The following GALC variants were observed in gnomAD, a reference collection of about 807,000 sequenced individuals.
The protein encoded by GALC is galactocerebrosidase.
GALC carries 77 observed loss-of-function variants against 91.8 expected under a neutral mutation model. The ratio of observed to expected loss-of-function variants is 0.84; its 90% CI spans 0.70 to 1.01. The LOEUF is 1.01. Ranked by LOEUF, GALC falls within the 50% of genes least tolerant of loss-of-function variation. The probability of loss-of-function intolerance (pLI) is 0.00; values close to 1 mark genes in which losing one functional copy is unlikely to be tolerated. For synonymous variants in GALC, 357 were observed against 306.7 expected, an observed-to-expected ratio of 1.16 and a Z score of -1.71; for missense variants, 882 against 855.9, an observed-to-expected ratio of 1.03 and a Z score of -0.38.
intron 1 of GALC, chr14:87,992,418 G>C: frequency 6.5e-7 from 1 of 1,534,954 alleles, no homozygotes; most frequent in African/African-American, 1.4e-5. Context: ...GCCTCCAAAC[G>C]AAATCCTATT....
Position 87,934,566 on chromosome 14 carries a change from T to C in GALC, c.*166A>G. 1 of 1,477,174 alleles carries C rather than the reference T, an allele frequency of 6.8e-7. No homozygotes were observed. Among genetic ancestry groups the C allele is most frequent in the South Asian group, 1.4e-5 (1 of 73,312 alleles). The allele number at this position is 1,477,174 out of a possible 1,614,324, so 91.5% of individuals were successfully genotyped here. A position where few individuals can be genotyped will look rare whatever the true frequency, so the allele number is the denominator to read the frequency against. The stretch of plus-strand genomic sequence containing the variant: ...CCCCTTGGAATTAATTCTAATAAAA[T>C]CTTCCACAGGGTAAATTAAAAATAA... On this transcript the variant is annotated 3_prime_UTR_variant, in exon 17 of 17. Transcript: ENST00000261304.
rs1407252447 is a variant in GALC, at chr14:87,934,205, TA to T, written c.*526del. The T allele has an allele frequency of 7.6e-5, 106 of 1,394,982 alleles. 2 individuals are homozygous for T. The East Asian group carries it at 2.7e-3, about 36-fold the overall frequency. 86.4% of individuals were successfully genotyped at this position (1,394,982 alleles called of 1,614,324 possible). A position where few individuals can be genotyped will look rare whatever the true frequency, so the allele number is the denominator to read the frequency against. On this transcript the variant is annotated 3_prime_UTR_variant, in exon 17 of 17. Transcript: ENST00000261304. ...AAAAGTATCATCTTAAAAAGGAAAA[TA>T]AAAAAATACTTTTTAGAGCATAAAG...
Position 87,984,455 on chromosome 14 carries a change from T to A in GALC, c.521A>T (p.Tyr174Phe). 1 of 1,614,106 alleles carries A rather than the reference T, an allele frequency of 6.2e-7. No homozygotes were observed. Among genetic ancestry groups the A allele is most frequent in the Non-Finnish European group, 8.5e-7 (1 of 1,179,998 alleles). Residue 174 changes from tyrosine to phenylalanine, a missense_variant, in exon 5 of 17, where the codon TAT (tyrosine) becomes TTT (phenylalanine). Coordinates refer to ENST00000261304, the MANE Select transcript of GALC (RefSeq NM_000153.4). ...PYVNLQLTAY[Y>F]VVTWIVGAKR... ...GGCGCCCACAATCCAGGTCACGACATAATAGGCAGTCAGCTGAAGATTGAC... is the reference window on the plus strand; with the variant it reads ...GGCGCCCACAATCCAGGTCACGACAAAATAGGCAGTCAGCTGAAGATTGAC...
chr14:87,964,420 T>A (rs1885943297), intron 9 of GALC, among the ~76,000 whole-genome samples: 1 of 152,168 alleles, frequency 6.6e-6, no homozygotes, highest in African/African-American at 2.4e-5. Context: ...AGAAAGATTG[T>A]TAGAATTTTA....
At position 87,976,937 on chromosome 14, in the gene GALC, C is replaced by G. The variant is rs187651486; in HGVS notation, c.622-449G>C. On this transcript the variant is annotated intron_variant, in intron 6 of 16. Coordinates refer to ENST00000261304, the MANE Select transcript of GALC (RefSeq NM_000153.4). ...GCATTACCTTTAAGATAACCTACTT[C>G]ACTAGGAATGTAAAAAGAAAAAAAA... is the stretch of plus-strand genomic sequence containing the variant. 136 of 150,218 alleles carry G rather than the reference C, an allele frequency of 9.1e-4. 1 individual carries two copies. The highest frequency in any genetic ancestry group is 3.2e-3 in the African/African-American group (129 of 39,824). The allele number at this position is 150,218 out of a possible 1,614,324, so 9.3% of individuals were successfully genotyped here.
At chr14:87,948,525 A>G (rs1885167799) in intron 12 of GALC, among the ~76,000 whole-genome samples, 3 of 152,174 alleles carry the variant, frequency 2.0e-5, no homozygotes, top group Admixed American at 2.0e-4. Flanking sequence ...TGACCAATGG[A>G]AAACGCTCCC....
intron 10 of GALC, among the ~76,000 whole-genome samples, chr14:87,956,805 G>A (rs978283408): frequency 2.6e-5 from 4 of 151,680 alleles, no homozygotes; most frequent in South Asian, 2.1e-4. Context: ...GGAATGAATG[G>A]CAGATCAATC....
chr14:87,959,912 A>G (rs1268087679), intron 10 of GALC, among the ~76,000 whole-genome samples: 3 of 152,104 alleles, frequency 2.0e-5, no homozygotes, highest in Admixed American at 2.0e-4. Context: ...ATGAATAAAG[A>G]AAATGTGATA....
chr14:87,963,847 A>T (rs1885915377), intron 9 of GALC, among the ~76,000 whole-genome samples: 1 of 152,124 alleles, frequency 6.6e-6, no homozygotes, highest in Non-Finnish European at 1.5e-5. Flanking sequence ...TAGCTACCAA[A>T]AAAAGGTTTA....
chr14:87,959,903 T>A (rs532041536), intron 10 of GALC, among the ~76,000 whole-genome samples: 1 of 151,980 alleles, frequency 6.6e-6, no homozygotes, highest in South Asian at 2.1e-4. Context: ...AATGAATGCA[T>A]GAATAAAGAA....
At chr14:87,965,689 A>C in intron 8 of GALC, 60 bp from the exon 9 acceptor site, 1 of 1,565,298 alleles carries the variant, frequency 6.4e-7, no homozygotes, top group Non-Finnish European at 8.8e-7. Context: ...GTAAATGTCT[A>C]AAAACCTGGA....
At position 87,954,628 on chromosome 14, in the gene GALC, A is replaced by G. The variant is rs557739594; in HGVS notation, c.1162-3880T>C. The G allele has an allele frequency of 1.1e-5, 17 of 1,584,790 alleles. No homozygotes were observed. The East Asian group carries it at 3.1e-4, about 29-fold the overall frequency. On this transcript the variant is annotated intron_variant, in intron 10 of 16. Transcript: ENST00000261304. ...CTTCCTTTTGGAAGATATCAGACTT[A>G]GCAACCCACCTAGAGGATAAATGTT...
chr14:87,981,814 C>T (rs201663909), intron 6 of GALC, among the ~76,000 whole-genome samples: 1 of 151,780 alleles, frequency 6.6e-6, no homozygotes, highest in East Asian at 1.9e-4. Flanking sequence ...CAATAGAAAA[C>T]AAGAATTAGA....
chr14:87,973,162 T>G (rs1306628923), intron 7 of GALC, among the ~76,000 whole-genome samples: 2 of 152,130 alleles, frequency 1.3e-5, no homozygotes, highest in Non-Finnish European at 2.9e-5. Context: ...TTATATCCAG[T>G]CAAACTGTCC....
At chr14:87,983,716 G>A (rs1363079604) in intron 5 of GALC, among the ~76,000 whole-genome samples, 3 of 152,182 alleles carry the variant, frequency 2.0e-5, no homozygotes, top group Non-Finnish European at 2.9e-5. Context: ...CCTGGGGCAT[G>A]CCTCCACCCA....
At chr14:87,948,604 C>T (rs886094730) in intron 12 of GALC, among the ~76,000 whole-genome samples, 2 of 151,894 alleles carry the variant, frequency 1.3e-5, no homozygotes, top group African/African-American at 4.8e-5. Flanking sequence ...GAAATTTGAA[C>T]AGTTTTTTTC....
At chr14:87,943,516 T>G (rs75849002) in intron 14 of GALC, among the ~76,000 whole-genome samples, 4,797 of 152,072 alleles carry the variant, frequency 0.032, 130 homozygotes, top group Non-Finnish European at 0.048. Context: ...AGAAGATGAT[T>G]AAAATGAGGC....
At chr14:87,966,558 A>C (rs932620223) in intron 8 of GALC, among the ~76,000 whole-genome samples, 1 of 152,226 alleles carries the variant, frequency 6.6e-6, no homozygotes, top group Non-Finnish European at 1.5e-5. Context: ...CTATCAGTAC[A>C]AAGTAGAAAT....
At chr14:87,939,428 A>G (rs140574825) in intron 16 of GALC, among the ~76,000 whole-genome samples, 17 of 151,992 alleles carry the variant, frequency 1.1e-4, no homozygotes, top group African/African-American at 3.4e-4. Flanking sequence ...TCTCAGGAAC[A>G]TTTTTATATT....
Sources: allele counts gnomAD v4.1 joint callset (sites outside exome capture counted in the v4.1 genomes callset), GRCh38; gene constraint gnomAD v4.1.1; transcripts MANE v1.5; gene names NCBI Gene and HGNC (gene_info 2026-07-23, HGNC 2026-07-21).